BRAF: variants seen among roughly 807,000 people sequenced by gnomAD.
The protein encoded by BRAF is serine/threonine-protein kinase B-raf.
BRAF carries 16 observed loss-of-function variants against 104.6 expected under a neutral mutation model. The ratio of observed to expected loss-of-function variants is 0.15; its 90% CI spans 0.10 to 0.23. The LOEUF (loss-of-function observed/expected upper bound fraction) is 0.23, where lower values mean the gene tolerates loss of function less well. BRAF is among the 10% of genes least tolerant of loss of function. The pLI is 1.00. For missense variants in BRAF, 541 were observed against 937.3 expected, an observed-to-expected ratio of 0.58 and a Z score of 5.52; for synonymous variants, 310 against 341.6, an observed-to-expected ratio of 0.91 and a Z score of 1.02.
chr7:140,840,334 T>C (rs147499429), intron 2 of BRAF, among the ~76,000 whole-genome samples: 158 of 83,714 alleles, frequency 1.9e-3, no homozygotes, highest in Non-Finnish European at 2.4e-3. Flanking sequence ...AGAAAATAGA[T>C]AAATTGGAAT....
chr7:140,852,568 T>C (rs541653822), intron 1 of BRAF, among the ~76,000 whole-genome samples: 2 of 152,304 alleles, frequency 1.3e-5, no homozygotes, highest in East Asian at 1.9e-4. Context: ...TTTTCTTTCA[T>C]GATGCCTTTG....
chr7:140,869,474 A>G (rs1287672571), intron 1 of BRAF, among the ~76,000 whole-genome samples: 1 of 152,138 alleles, frequency 6.6e-6, no homozygotes, highest in Non-Finnish European at 1.5e-5. Flanking sequence ...CTCTACTAAA[A>G]ATACAAAAAA....
chr7:140,796,401 G>A (rs1030955342), intron 7 of BRAF, among the ~76,000 whole-genome samples: 4 of 151,056 alleles, frequency 2.6e-5, no homozygotes, highest in Non-Finnish European at 4.4e-5. Context: ...AACTAGAATT[G>A]CATAAGATAG....
At chr7:140,855,359 C>T (rs778612220) in intron 1 of BRAF, among the ~76,000 whole-genome samples, 5 of 152,092 alleles carry the variant, frequency 3.3e-5, no homozygotes, top group Non-Finnish European at 7.4e-5. Flanking sequence ...GTTTTAATCT[C>T]TTCAGTAGAC....
At chr7:140,918,326 G>C (rs1217874021) in intron 1 of BRAF, among the ~76,000 whole-genome samples, 2 of 152,132 alleles carry the variant, frequency 1.3e-5, no homozygotes, top group Admixed American at 6.5e-5. Context: ...CAGATCATCA[G>C]GCATTAGATT....
intron 5 of BRAF, among the ~76,000 whole-genome samples, chr7:140,804,877 C>T (rs1244358642): frequency 6.6e-6 from 1 of 151,854 alleles, no homozygotes; most frequent in Admixed American, 6.6e-5. Context: ...ACAATCATGA[C>T]TCACTGCAAA....
At chr7:140,811,260 C>A (rs774933979) in intron 3 of BRAF, among the ~76,000 whole-genome samples, 1 of 152,094 alleles carries the variant, frequency 6.6e-6, no homozygotes, top group Non-Finnish European at 1.5e-5. Flanking sequence ...GATATGACCA[C>A]GAGGTGGCAG....
chr7:140,810,903 C>T (rs970503259), intron 3 of BRAF, among the ~76,000 whole-genome samples: 23 of 152,146 alleles, frequency 1.5e-4, no homozygotes, highest in Non-Finnish European at 2.6e-4. Context: ...TGGGCAGAGC[C>T]TATTTGGTGC....
Position 140,808,059 on chromosome 7 carries a change from C to T in BRAF, c.612G>A (p.Glu204=), listed in dbSNP as rs1202874043. Residue 204 remains glutamate, a synonymous_variant, in exon 5 of 20, where the codon GAG becomes GAA. Coordinates refer to ENST00000644969, the MANE Select transcript of BRAF (RefSeq NM_001374258.1). ...CAGTGTCCCAACCAATTGGTTTCTT[C>T]TCTCTGAAAAATGTAGACACAAGCC... ...CCAVYRIQDG[E]KKPIGWDTDI... is the part of the protein sequence containing the mutation. 2 of 1,609,068 alleles carry T rather than the reference C, an allele frequency of 1.2e-6. No homozygotes were observed. The highest frequency in any genetic ancestry group is 2.2e-5 in the South Asian group (2 of 90,976).
chr7:140,825,676 A>T (rs1049953376), intron 3 of BRAF, among the ~76,000 whole-genome samples: 11 of 152,334 alleles, frequency 7.2e-5, no homozygotes, highest in African/African-American at 2.6e-4. Context: ...GCCCAAGTCA[A>T]CCTAATCAAA....
intron 3 of BRAF, among the ~76,000 whole-genome samples, chr7:140,820,298 G>A (rs1247403888): frequency 2.6e-5 from 4 of 152,052 alleles, no homozygotes; most frequent in Non-Finnish European, 4.4e-5. Context: ...TTAAGTTATC[G>A]CAAAGTTTTC....
chr7:140,742,149 A>T (rs1796977621), intron 17 of BRAF, among the ~76,000 whole-genome samples: 1 of 152,106 alleles, frequency 6.6e-6, no homozygotes, highest in African/African-American at 2.4e-5. Flanking sequence ...CTGGGGTTAC[A>T]GGAAGACTTT....
At chr7:140,822,177 A>T (rs999945490) in intron 3 of BRAF, among the ~76,000 whole-genome samples, 3 of 152,178 alleles carry the variant, frequency 2.0e-5, no homozygotes, top group African/African-American at 4.8e-5. Flanking sequence ...TGAAAAAAAA[A>T]TTTTAATAAT....
intron 16 of BRAF, among the ~76,000 whole-genome samples, chr7:140,749,711 C>T (rs962706445): frequency 6.6e-6 from 1 of 152,150 alleles, no homozygotes; most frequent in African/African-American, 2.4e-5. Flanking sequence ...CAGATGAATT[C>T]TTCCCATGAC....
intron 3 of BRAF, among the ~76,000 whole-genome samples, chr7:140,820,888 A>G (rs1040435880): frequency 6.6e-6 from 1 of 152,238 alleles, no homozygotes; most frequent in African/African-American, 2.4e-5. Flanking sequence ...AGCTGTGATT[A>G]TACCACTGCA....
intron 3 of BRAF, among the ~76,000 whole-genome samples, chr7:140,820,726 G>C (rs1022081933): frequency 6.6e-6 from 1 of 152,062 alleles, no homozygotes; most frequent in Non-Finnish European, 1.5e-5. Flanking sequence ...GATTGCTTGA[G>C]CCCAAGAGTT....
intron 2 of BRAF, among the ~76,000 whole-genome samples, chr7:140,841,894 T>C (rs1189606245): frequency 6.6e-6 from 1 of 152,114 alleles, no homozygotes. Flanking sequence ...GGGAAAAAAA[T>C]CTAAGGATCT....
At position 140,800,465 on chromosome 7, in the gene BRAF, T is replaced by C; in HGVS notation, c.877A>G (p.Lys293Glu). 6.2e-7 allele frequency: 1 copy of C among 1,614,140 alleles called. No homozygotes were observed. The highest frequency in any genetic ancestry group is 8.5e-7 in the Non-Finnish European group (1 of 1,180,014). The change falls in exon 7 of 20, where the codon AAG (lysine) becomes GAG (glutamate). Residue 293 changes from lysine to glutamate, a missense_variant. Transcript: ENST00000644969. ...YDQLDLLFVS[K>E]FFEHHPIPQE... ...GGTATTGGGTGGTGTTCAAAGAACT[T>C]GGAGACAAACAGCAAACTGTGAGGC...
chr7:140,806,078 G>A (rs1157199371), intron 5 of BRAF, among the ~76,000 whole-genome samples: 6 of 152,116 alleles, frequency 3.9e-5, no homozygotes, highest in Non-Finnish European at 8.8e-5. Flanking sequence ...CCACAATACT[G>A]TTAACAACCT....
Sources: gnomAD v4.1 joint callset for allele counts (sites outside exome capture counted in the v4.1 genomes callset) on GRCh38, gnomAD v4.1.1 for gene constraint, MANE v1.5 for transcripts, NCBI Gene and HGNC (gene_info 2026-07-23, HGNC 2026-07-21) for gene names.